RAPH1: variants seen among roughly 807,000 people sequenced by gnomAD.
RAPH1 encodes the protein Ras association (RalGDS/AF-6) and pleckstrin homology domains 1, also known as ras-associated and pleckstrin homology domains-containing protein 1.
A neutral mutation model predicts 88.1 loss-of-function variants in RAPH1; 18 were observed. The observed-to-expected ratio is 0.20, with a 90% CI of 0.14 to 0.30. The LOEUF (loss-of-function observed/expected upper bound fraction) is 0.30. Among genes scored for constraint, RAPH1 ranks in the 10% least tolerant of loss-of-function variants. The pLI, the probability that RAPH1 is intolerant of heterozygous loss-of-function variation, is 1.00. For synonymous variants in RAPH1, 587 were observed against 559.0 expected (o/e 1.05, Z -0.71); for missense variants, 1,448 against 1,543.2 (o/e 0.94, Z 1.03).
At chr2:203,508,044 C>T (rs1159717868) in intron 1 of RAPH1, among the ~76,000 whole-genome samples, 2 of 151,310 alleles carry the variant, frequency 1.3e-5, no homozygotes, top group Non-Finnish European at 2.9e-5. Context: ...AACCCCATCC[C>T]TACTTAAAAA....
rs2098520903 is a variant in RAPH1, at chr2:203,457,687, T to C, written c.1093-92A>G. ...TTCTGTTATTCCCTTGGCACAGGTGTGTGTATGTTTTCTTCTAGAGAAATA... is the reference window on the plus strand; with the variant it reads ...TTCTGTTATTCCCTTGGCACAGGTGCGTGTATGTTTTCTTCTAGAGAAATA... On this transcript the variant is annotated intron_variant, in intron 7 of 13. Transcript: ENST00000319170. 8 of 932,042 alleles carry C rather than the reference T, an allele frequency of 8.6e-6. No individual in the cohort carries two copies. In the South Asian group the frequency reaches 9.4e-5, roughly 11 times the overall value. The allele number at this position is 932,042 out of a possible 1,614,324, so 57.7% of individuals were successfully genotyped here. A position where few individuals can be genotyped will look rare whatever the true frequency, so the allele number is the denominator to read the frequency against.
chr2:203,527,656 C>T (rs1275339620), intron 1 of RAPH1, among the ~76,000 whole-genome samples: 1 of 151,760 alleles, frequency 6.6e-6, no homozygotes, highest in Non-Finnish European at 1.5e-5. Flanking sequence ...AAAAATTAGC[C>T]GGGCGTGTTG....
intron 1 of RAPH1, among the ~76,000 whole-genome samples, chr2:203,507,165 G>T (rs1407856021): frequency 2.0e-5 from 3 of 151,042 alleles, no homozygotes; most frequent in Non-Finnish European, 4.4e-5. Context: ...CCAAAGTGCT[G>T]GGATTACAGG....
At chr2:203,470,152 T>C in intron 4 of RAPH1, 1 of 817,784 alleles carries the variant, frequency 1.2e-6, no homozygotes, top group Non-Finnish European at 1.9e-6. Context: ...AGTAAGAAAA[T>C]AATAATATAA....
At chr2:203,490,795 C>A (rs1374225131) in intron 3 of RAPH1, among the ~76,000 whole-genome samples, 2 of 151,992 alleles carry the variant, frequency 1.3e-5, no homozygotes, top group Admixed American at 1.3e-4. Context: ...GTAATCCCAG[C>A]ACTTTGGGAG....
At chr2:203,512,030 T>C (rs772211778) in intron 1 of RAPH1, among the ~76,000 whole-genome samples, 83 of 151,574 alleles carry the variant, frequency 5.5e-4, no homozygotes, top group Non-Finnish European at 9.9e-4. Flanking sequence ...GGAGAATCGC[T>C]TGAACTCAGG....
intron 4 of RAPH1, among the ~76,000 whole-genome samples, chr2:203,477,682 C>T (rs537450352): frequency 6.6e-6 from 1 of 152,134 alleles, no homozygotes; most frequent in Non-Finnish European, 1.5e-5. Context: ...ATCCTCCCCT[C>T]GAATTCTAGA....
chr2:203,445,172 T>C, intron 12 of RAPH1, 162 bp from the exon 13 acceptor site: 1 of 518,138 alleles, frequency 1.9e-6, no homozygotes, highest in Non-Finnish European at 3.2e-6. Context: ...TATTTTCTAC[T>C]AGAAAACTTC....
chr2:203,510,223 C>A (rs929030425), intron 1 of RAPH1, among the ~76,000 whole-genome samples: 3 of 150,458 alleles, frequency 2.0e-5, no homozygotes, highest in Non-Finnish European at 4.4e-5. Flanking sequence ...GTAATCCCAG[C>A]TGCTCAGGAG....
At chr2:203,452,738 G>T (rs1030834906) in intron 10 of RAPH1, among the ~76,000 whole-genome samples, 1 of 152,172 alleles carries the variant, frequency 6.6e-6, no homozygotes, top group African/African-American at 2.4e-5. Flanking sequence ...GAGGCAGGCG[G>T]ATCACTTGAG....
intron 13 of RAPH1, chr2:203,442,143 C>A: frequency 1.4e-6 from 2 of 1,464,688 alleles, no homozygotes; most frequent in Non-Finnish European, 1.8e-6. Context: ...AAATATCATA[C>A]AGAAAAAGCC....
At chr2:203,484,969 A>C (rs1271304540) in intron 4 of RAPH1, among the ~76,000 whole-genome samples, 1 of 152,182 alleles carries the variant, frequency 6.6e-6, no homozygotes, top group Non-Finnish European at 1.5e-5. Flanking sequence ...ATTGTAAGGG[A>C]AAGAGACCAC....
At chr2:203,533,111 A>G (rs1424635431) in intron 1 of RAPH1, among the ~76,000 whole-genome samples, 2 of 151,916 alleles carry the variant, frequency 1.3e-5, no homozygotes, top group Non-Finnish European at 2.9e-5. Context: ...TTGGAAAATA[A>G]AGAGTTAAAT....
intron 10 of RAPH1, among the ~76,000 whole-genome samples, chr2:203,451,420 C>G (rs1191171561): frequency 6.6e-6 from 1 of 152,188 alleles, no homozygotes; most frequent in Non-Finnish European, 1.5e-5. Context: ...CATGCAATCT[C>G]ATCCCAGAGT....
chr2:203,504,485 A>G (rs1688890191), intron 1 of RAPH1, among the ~76,000 whole-genome samples: 1 of 152,136 alleles, frequency 6.6e-6, no homozygotes, highest in Admixed American at 6.5e-5. Context: ...GGCTGCACAC[A>G]GCACAGGGAT....
chr2:203,518,251 C>G (rs892502110), intron 1 of RAPH1, among the ~76,000 whole-genome samples: 3 of 152,110 alleles, frequency 2.0e-5, no homozygotes, highest in African/African-American at 7.2e-5. Context: ...CACAGTGGTG[C>G]ACACTTGTAG....
chr2:203,446,559 G>A (rs191568889), intron 12 of RAPH1: 2 of 152,250 alleles, frequency 1.3e-5, no homozygotes, highest in Admixed American at 1.3e-4. Context: ...ATCTACACAG[G>A]ACAGTTCTCT....
In RAPH1 at chr2:203,493,971, CAAAAAAAAAAAAAAAA is replaced by C. The variant is rs397937732; in HGVS notation, c.120+1247_120+1262del. 2.6e-4 allele frequency among the ~76,000 whole-genome samples: 5 copies of C among 18,964 alleles called. 1 individual carries two copies. The highest frequency in any genetic ancestry group is 4.7e-4 in the Non-Finnish European group (4 of 8,450). The allele number at this position is 18,964 out of a possible 152,430, so 12.4% of individuals were successfully genotyped here. ...GGGCGACAGGAGTGAGACTCTATCT[CAAAAAAAAAAAAAAAA>C]AAAAAAAAAAAGAAAAAAGAAAAAA... On this transcript the variant is annotated intron_variant, in intron 2 of 13. Transcript: ENST00000319170.
intron 4 of RAPH1, among the ~76,000 whole-genome samples, chr2:203,484,282 A>G (rs1279402753): frequency 2.0e-5 from 3 of 152,222 alleles, no homozygotes; most frequent in South Asian, 4.1e-4. Flanking sequence ...ACAACGTACT[A>G]TAACTGCCAC....
Sources: allele counts gnomAD v4.1 joint callset (sites outside exome capture counted in the v4.1 genomes callset), GRCh38; gene constraint gnomAD v4.1.1; transcripts MANE v1.5; gene names NCBI Gene and HGNC (gene_info 2026-07-23, HGNC 2026-07-21).